The following ATP8B3 variants were observed in gnomAD, a reference collection of about 807,000 sequenced individuals.
ATP8B3 encodes the protein phospholipid-transporting ATPase IK.
A neutral mutation model predicts 140.9 loss-of-function variants in ATP8B3; 141 were observed. The observed-to-expected ratio is 1.00, with a 90% CI of 0.87 to 1.15. ATP8B3 has a LOEUF of 1.15. Ranked by LOEUF, ATP8B3 falls within the 50% of genes most tolerant of loss-of-function variation. The pLI is 0.00. For synonymous variants in ATP8B3, 765 were observed against 714.6 expected (o/e 1.07, Z -1.13); for missense variants, 1,874 against 1,740.6 (o/e 1.08, Z -1.36).
At position 1,785,708 on chromosome 19, in the gene ATP8B3, C is replaced by G. The variant is rs771774762; in HGVS notation, c.3154G>C (p.Asp1052His). ...PVLYIGLFEQ[D>H]VSAEQSLEKP... Reference sequence around the variant, plus strand: ...TCCAGGCTCTGCTCTGCGCTCACGTCCTTGGGGCAAGCAGAAGCTCTTGGG... The same window carrying G: ...TCCAGGCTCTGCTCTGCGCTCACGTGCTTGGGGCAAGCAGAAGCTCTTGGG... The change falls in exon 26 of 29, where the codon GAC (aspartate) becomes CAC (histidine). Residue 1052 changes from aspartate (D) to histidine (H), a missense_variant and splice_region_variant. Around this residue, in one of 3 missense-constraint regions of ATP8B3, gnomAD observed 840 missense variants for 760.9 expected, o/e 1.10. Transcript: ENST00000310127. 1.0e-5 allele frequency: 16 copies of G among 1,583,426 alleles called. No homozygotes were observed. In the Admixed American group the frequency reaches 1.8e-4, roughly 18 times the overall value.
chr19:1,793,100 CG>C (rs986684103), intron 18 of ATP8B3, among the ~76,000 whole-genome samples: 4 of 142,996 alleles, frequency 2.8e-5, no homozygotes, highest in African/African-American at 1.0e-4. Context: ...TTTTTTTTCT[CG>C]GGGGTGGGGG....
rs1396689991 is a variant in ATP8B3 at position 1,798,363 on chromosome 19, A to G, written c.1553-1358T>C. ...CTGTCAAACTACACCCCACCACATCATCAATTTTTGTACGGCCTGCGAGCT... is the reference window on the plus strand; with the variant it reads ...CTGTCAAACTACACCCCACCACATCGTCAATTTTTGTACGGCCTGCGAGCT... On this transcript the variant is annotated intron_variant, in intron 14 of 28. Transcript: ENST00000310127. Among the ~76,000 whole-genome samples the G allele has an allele frequency of 2.6e-5, 4 of 151,938 alleles. 1 individual carries two copies. Among genetic ancestry groups the G allele is most frequent in the African/African-American group, 9.7e-5 (4 of 41,276 alleles).
chr19:1,799,571 G>A (rs1338460833), intron 14 of ATP8B3: 1 of 433,468 alleles, frequency 2.3e-6, no homozygotes. Flanking sequence ...TTCGAGACCA[G>A]CATGGCCAAC....
In ATP8B3 at chr19:1,801,963, A is replaced by G. The variant is rs373320251; in HGVS notation, c.1145T>C (p.Val382Ala). The G allele has an allele frequency of 5.3e-4, 849 of 1,611,910 alleles. No individual in the cohort carries two copies. The highest frequency in any genetic ancestry group is 6.9e-4 in the Non-Finnish European group (817 of 1,179,188). The change falls in exon 12 of 29, where the codon GTG (valine) becomes GCG (alanine). Residue 382 changes from valine (V) to alanine (A), a missense_variant. Val to Ala is a moderately conservative substitution (Grantham distance 64, BLOSUM62 0). This residue lies in a region of ATP8B3 where 1,032 missense variants were observed against 963.6 expected (regional missense o/e 1.07). Coordinates refer to ENST00000310127, the MANE Select transcript of ATP8B3 (RefSeq NM_138813.4). ...CACTTGTTGGCAGCTCACCACAACCACCAGCTTGTTCATCAGGAGGTCCAG... is the reference window on the plus strand; with the variant it reads ...CACTTGTTGGCAGCTCACCACAACCGCCAGCTTGTTCATCAGGAGGTCCAG... ...TKLDLLMNKL[V>A]VVIFISVVLV...
intron 3 of ATP8B3, 138 bp downstream of exon 3, chr19:1,810,484 G>A (rs559973380): frequency 3.8e-5 from 29 of 763,652 alleles, no homozygotes; most frequent in South Asian, 2.2e-4. Context: ...CCAGGCTCTC[G>A]AACCCCTGAC....
Position 1,806,618 on chromosome 19 carries a change from C to T in ATP8B3, c.677+10G>A. 1 of 1,555,174 alleles carries T rather than the reference C, an allele frequency of 6.4e-7. No homozygotes were observed. Among genetic ancestry groups the T allele is most frequent in the South Asian group, 1.2e-5 (1 of 84,210 alleles). On this transcript the variant is annotated intron_variant, in intron 7 of 28. Transcript: ENST00000310127. The surrounding 1 kb of genome is among the most constrained non-coding windows in gnomAD (Gnocchi z 5.6). Reference sequence around the variant, plus strand: ...TCCCCGCGGATCCCCAGCTGCAGCCCCAGCCTCACCTCTTCCCCATCAGAA... The same window carrying T: ...TCCCCGCGGATCCCCAGCTGCAGCCTCAGCCTCACCTCTTCCCCATCAGAA...
chr19:1,796,346 G>A lies in ATP8B3; in HGVS notation c.1754-81C>T, dbSNP rs953998707. On this transcript the variant is annotated intron_variant, in intron 16 of 28. Coordinates refer to ENST00000310127, the MANE Select transcript of ATP8B3 (RefSeq NM_138813.4). ...ACAGTGCAGGGAGGAGATGGGTATCGCCTGGGCTACACCTTTATTGATGGT... is the reference window on the plus strand; with the variant it reads ...ACAGTGCAGGGAGGAGATGGGTATCACCTGGGCTACACCTTTATTGATGGT... The A allele has an allele frequency of 1.7e-5, 22 of 1,290,520 alleles. 1 individual carries two copies. The highest frequency in any genetic ancestry group is 1.5e-4 in the Admixed American group (7 of 46,286). 79.9% of individuals were successfully genotyped at this position (1,290,520 alleles called of 1,614,324 possible). A position where few individuals can be genotyped will look rare whatever the true frequency, so the allele number is the denominator to read the frequency against.
Position 1,796,119 on chromosome 19 carries a change from T to C in ATP8B3, c.1900A>G (p.Ile634Val), listed in dbSNP as rs1200957763. The change falls in exon 17 of 29, where the codon ATA becomes GTA. Residue 634 changes from isoleucine to valine, a missense_variant. By Grantham distance (29) the Ile-to-Val change is conservative. Around this residue, in one of 3 missense-constraint regions of ATP8B3, gnomAD observed 1,032 missense variants for 963.6 expected, o/e 1.07. Transcript: ENST00000310127. Reference protein sequence around the residue: ...GEERVYQVLAIMDFNSTRKRM... With the variant: ...GEERVYQVLAVMDFNSTRKRM... The stretch of plus-strand genomic sequence containing the variant: ...TTGCGCGTGCTGTTGAAGTCCATTA[T>C]GGCCAGGACCTGGTAGACCCGTTCC... 7.4e-6 allele frequency: 12 copies of C among 1,613,032 alleles called. No individual in the cohort carries two copies. Among genetic ancestry groups the C allele is most frequent in the Non-Finnish European group, 9.3e-6 (11 of 1,179,846 alleles).
At chr19:1,785,114 C>A in intron 27 of ATP8B3, 45 bp downstream of exon 27, 7 of 1,507,488 alleles carry the variant, frequency 4.6e-6, no homozygotes, top group Non-Finnish European at 6.2e-6. Context: ...CATCGGGGCT[C>A]CCCTGCACCA....
Position 1,800,078 on chromosome 19 carries a change from G to T in ATP8B3, c.1421C>A (p.Pro474His). 6.3e-7 allele frequency: 1 copy of T among 1,582,808 alleles called. No individual in the cohort carries two copies. Among genetic ancestry groups the T allele is most frequent in the Non-Finnish European group, 8.6e-7 (1 of 1,164,584 alleles). The change falls in exon 14 of 29, where the codon CCT becomes CAT. Residue 474 changes from proline to histidine, a missense_variant. Physicochemically the swap from Pro to His is moderately conservative, Grantham distance 77. This residue lies in a region of ATP8B3 where 1,032 missense variants were observed against 963.6 expected (regional missense o/e 1.07). Coordinates refer to ENST00000310127, the MANE Select transcript of ATP8B3 (RefSeq NM_138813.4). This position sits in a 1 kb window ranked among gnomAD's most constrained non-coding sequence, Gnocchi z 4.4. ...GAGGCTGGTGCTGCGGGCCTTGGCA[G>T]GCACGTCCTGCGGCTTGTAGTACAT... ...VQMYYKPQDV[P>H]AKARSTSLND...
chr19:1,792,745 C>G (rs2068553809), intron 18 of ATP8B3, among the ~76,000 whole-genome samples: 1 of 151,798 alleles, frequency 6.6e-6, no homozygotes, highest in South Asian at 2.1e-4. Context: ...AACCGCGTCT[C>G]CACTCGAAAC....
Position 1,787,173 on chromosome 19 carries a change from C to T in ATP8B3, c.3083G>A (p.Gly1028Glu), listed in dbSNP as rs2145172349. The T allele has an allele frequency of 6.2e-7, 1 of 1,610,164 alleles. No homozygotes were observed. Among genetic ancestry groups the T allele is most frequent in the Middle Eastern group, 1.7e-4 (1 of 6,056 alleles). Reference protein sequence around the residue: ...NGFTGQPLYEGWFLALFNLLY... With the variant: ...NGFTGQPLYEEWFLALFNLLY... ...GAGGTTGAAAAGAGCCAGGAACCAT[C>T]CTTCATACAGGGGCTGAGCCGGGGG... Residue 1028 changes from glycine (G) to glutamate (E), a missense_variant, in exon 25 of 29, where the codon GGA becomes GAA. Around this residue, in one of 3 missense-constraint regions of ATP8B3, gnomAD observed 840 missense variants for 760.9 expected, o/e 1.10. Transcript: ENST00000310127.
rs369057362 is a variant in ATP8B3 at position 1,807,564 on chromosome 19, G to A, written c.517-298C>T. Among the ~76,000 whole-genome samples, 1 of 151,946 alleles carries A rather than the reference G, an allele frequency of 6.6e-6. No individual in the cohort carries two copies. Among genetic ancestry groups the A allele is most frequent in the Non-Finnish European group, 1.5e-5 (1 of 67,968 alleles). ...GCCTCCCCCAGCCCCAAGCTTGGCC[G>A]CCACTGCTCCCCCTCCCTCCCATGT... is the stretch of plus-strand genomic sequence containing the variant. On this transcript the variant is annotated intron_variant, in intron 5 of 28. Transcript: ENST00000310127. The surrounding 1 kb of genome is among the most constrained non-coding windows in gnomAD (Gnocchi z 5.9).
chr19:1,804,425 C>G (rs377046060), intron 10 of ATP8B3, among the ~76,000 whole-genome samples: 20 of 152,264 alleles, frequency 1.3e-4, no homozygotes, highest in African/African-American at 3.4e-4. Flanking sequence ...CTGGCTAACA[C>G]GGTGAAACCC....
Position 1,807,100 on chromosome 19 carries a change from A to G in ATP8B3, c.615+68T>C. On this transcript the variant is annotated intron_variant, in intron 6 of 28. Coordinates refer to ENST00000310127, the MANE Select transcript of ATP8B3 (RefSeq NM_138813.4). The surrounding 1 kb of genome is among the most constrained non-coding windows in gnomAD (Gnocchi z 5.9). ...CCCAGCCCTCCTCCCACTCTCGCCC[A>G]GGGATCAAGAGACCCCCCCGACCGG... The G allele has an allele frequency of 7.1e-7, 1 of 1,398,900 alleles. No homozygotes were observed. Among genetic ancestry groups the G allele is most frequent in the Non-Finnish European group, 1.0e-6 (1 of 990,328 alleles). 86.7% of individuals were successfully genotyped at this position (1,398,900 alleles called of 1,614,324 possible). A position where few individuals can be genotyped will look rare whatever the true frequency, so the allele number is the denominator to read the frequency against.
In ATP8B3 at chr19:1,787,263, G is replaced by T. The variant is rs979249959; in HGVS notation, c.3070-77C>A. On this transcript the variant is annotated intron_variant, in intron 24 of 28. Coordinates refer to ENST00000310127, the MANE Select transcript of ATP8B3 (RefSeq NM_138813.4). Reference sequence around the variant, plus strand: ...GGAGCCTGCCAAGCAGGCACCCAGGGAGGGTTCTGGGTGAGGTAACTCTGG... The same window carrying T: ...GGAGCCTGCCAAGCAGGCACCCAGGTAGGGTTCTGGGTGAGGTAACTCTGG... The T allele has an allele frequency of 4.6e-6, 6 of 1,292,504 alleles. No homozygotes were observed. In the African/African-American group the frequency reaches 8.9e-5, roughly 19 times the overall value. The allele number at this position is 1,292,504 out of a possible 1,614,324, so 80.1% of individuals were successfully genotyped here.
rs1167967061 is a variant in ATP8B3 at position 1,806,567 on chromosome 19, G to A, written c.677+61C>T. On this transcript the variant is annotated intron_variant, in intron 7 of 28. Transcript: ENST00000310127. This position sits in a 1 kb window ranked among gnomAD's most constrained non-coding sequence, Gnocchi z 5.6. ...GTGATGGACACTTGCCGAGGCCGATGACCCTGCTGGGCTGGAGCCCCCGTG... is the reference window on the plus strand; with the variant it reads ...GTGATGGACACTTGCCGAGGCCGATAACCCTGCTGGGCTGGAGCCCCCGTG... 6.5e-7 allele frequency: 1 copy of A among 1,547,268 alleles called. No homozygotes were observed. The highest frequency in any genetic ancestry group is 1.2e-5 in the South Asian group (1 of 83,890).
rs202137046 is a variant in ATP8B3, at chr19:1,788,910, C to T, written c.3056G>A (p.Gly1019Asp). 6,525 of 1,595,252 alleles carry T rather than the reference C, an allele frequency of 4.1e-3. 25 individuals carry two copies. Among genetic ancestry groups the T allele is most frequent in the Non-Finnish European group, 4.9e-3 (5,731 of 1,171,664 alleles). The change falls in exon 24 of 29, where the codon GGC becomes GAC. Residue 1019 changes from glycine to aspartate, a missense_variant. Physicochemically the swap from Gly to Asp is moderately conservative, Grantham distance 94. This residue lies in a region of ATP8B3 where 840 missense variants were observed against 760.9 expected (regional missense o/e 1.10). Transcript: ENST00000310127. ...MVQVWFACYN[G>D]FTGQPLYEGW... is the part of the protein sequence containing the mutation. ...TGGGGGACGCACCTGGCCGGTGAAG[C>T]CGTTGTAGCAGGCAAACCAGACCTG...
At chr19:1,809,342 G>A (rs568538495) in intron 4 of ATP8B3, among the ~76,000 whole-genome samples, 32 of 151,574 alleles carry the variant, frequency 2.1e-4, no homozygotes, top group African/African-American at 5.8e-4. Flanking sequence ...TTAGTCAGGC[G>A]TGGTGGTGCA....
Sources: gnomAD v4.1 joint callset for allele counts (sites outside exome capture counted in the v4.1 genomes callset) on GRCh38, gnomAD v4.1.1 for gene constraint, gnomAD v4.1.1 regional missense constraint, Gnocchi (gnomAD v3.1) non-coding constraint, MANE v1.5 for transcripts, NCBI Gene and HGNC (gene_info 2026-07-23, HGNC 2026-07-21) for gene names.